Variants in GRIP1 observed in about 807,000 individuals in gnomAD.
The protein encoded by GRIP1 is glutamate receptor-interacting protein 1.
A neutral mutation model predicts 129.9 loss-of-function variants in GRIP1; 45 were observed. The ratio of observed to expected loss-of-function variants is 0.35; its 90% CI spans 0.27 to 0.44. The LOEUF (loss-of-function observed/expected upper bound fraction) is 0.44. Ranked by LOEUF, GRIP1 falls within the 20% of genes least tolerant of loss-of-function variation. The pLI is 1.00. For missense variants in GRIP1, 1,196 were observed against 1,396.8 expected, an observed-to-expected ratio of 0.86 and a Z score of 2.29; for synonymous variants, 530 against 520.8, an observed-to-expected ratio of 1.02 and a Z score of -0.24.
rs567896292 is a variant in GRIP1, at chr12:66,347,610, C to CTTGT, written c.*1405_*1408dup. The stretch of plus-strand genomic sequence containing the variant: ...TACAAAAATACTTTACAGTTTAATA[C>CTTGT]TTGTTTGTTACAAATAAAAATACAT... On this transcript the variant is annotated 3_prime_UTR_variant, in exon 25 of 25. Transcript: ENST00000359742. The CTTGT allele has an allele frequency of 3.9e-5, 6 of 152,106 alleles. No homozygotes were observed. The highest frequency in any genetic ancestry group is 7.4e-5 in the Non-Finnish European group (5 of 68,010). 9.4% of individuals were successfully genotyped at this position (152,106 alleles called of 1,614,324 possible).
intron 1 of GRIP1, among the ~76,000 whole-genome samples, chr12:66,850,254 CCCCTGGG>C (rs1282693093): frequency 6.6e-6 from 1 of 152,128 alleles, no homozygotes; most frequent in Non-Finnish European, 1.5e-5. Context: ...GCTACCTACA[CCCCTGGG>C]CAATCATGAA....
intron 16 of GRIP1, among the ~76,000 whole-genome samples, chr12:66,401,073 CA>C (rs2056969962): frequency 1.3e-5 from 2 of 152,244 alleles, no homozygotes; most frequent in African/African-American, 4.8e-5. Context: ...TGGAAGACGA[CA>C]AATGCAGAAG....
At chr12:66,538,990 A>G (rs1296596902) in intron 4 of GRIP1, 88 bp downstream of exon 4, 1 of 1,090,712 alleles carries the variant, frequency 9.2e-7, no homozygotes, top group East Asian at 2.4e-5. Flanking sequence ...CCTGATATAT[A>G]TAGGGTTTGG....
intron 1 of GRIP1, among the ~76,000 whole-genome samples, chr12:66,660,763 T>C (rs943128090): frequency 2.6e-5 from 4 of 152,146 alleles, no homozygotes; most frequent in African/African-American, 9.6e-5. Flanking sequence ...ATATTTATAT[T>C]ATTGATTCCC....
chr12:66,515,518 C>T, intron 7 of GRIP1, 101 bp downstream of exon 7: 2 of 1,052,276 alleles, frequency 1.9e-6, no homozygotes, highest in South Asian at 1.3e-5. Flanking sequence ...CTGTCTGCTC[C>T]AGGAGGGCAT....
rs375056647 is a variant in GRIP1, at chr12:66,558,297, C to T, written c.137-16347G>A. ...TCATGGAGGAAGGCGAAAGGCATCT[C>T]TTACATGGTGGCAGGCAAGGGCGAA... is the stretch of plus-strand genomic sequence containing the variant. On this transcript the variant is annotated intron_variant, in intron 2 of 24. Transcript: ENST00000359742. Among the ~76,000 whole-genome samples the T allele has an allele frequency of 3.9e-4, 60 of 152,246 alleles. 1 individual carries two copies. The highest frequency in any genetic ancestry group is 1.3e-3 in the African/African-American group (56 of 41,566).
At chr12:67,043,614 C>T (rs1479963959) in intron 1 of GRIP1, among the ~76,000 whole-genome samples, 3 of 152,140 alleles carry the variant, frequency 2.0e-5, no homozygotes, top group Non-Finnish European at 4.4e-5. Context: ...CTACGCCCCC[C>T]ATTCTCACAG....
chr12:67,065,369 A>C (rs2043607514), intron 1 of GRIP1: 3 of 152,308 alleles, frequency 2.0e-5, no homozygotes, highest in African/African-American at 7.2e-5. Context: ...AGAAATCTAA[A>C]GAGAAGTTCT....
At chr12:66,804,020 A>T in intron 1 of GRIP1, 1 of 431,020 alleles carries the variant, frequency 2.3e-6, no homozygotes, top group South Asian at 1.7e-5. Flanking sequence ...CCAGCATGCG[A>T]GAAGGAACCG....
At chr12:66,924,136 T>C (rs2041257990) in intron 1 of GRIP1, among the ~76,000 whole-genome samples, 1 of 152,190 alleles carries the variant, frequency 6.6e-6, no homozygotes, top group Non-Finnish European at 1.5e-5. Context: ...TGAGCCACCA[T>C]GCCCAGCCAA....
At chr12:66,912,124 C>T (rs925006136) in intron 1 of GRIP1, among the ~76,000 whole-genome samples, 2 of 151,914 alleles carry the variant, frequency 1.3e-5, no homozygotes, top group Admixed American at 6.6e-5. Context: ...AATAATATTC[C>T]AAAATGTTGG....
At position 66,474,657 on chromosome 12, in the gene GRIP1, G is replaced by C. The variant is rs1449534233; in HGVS notation, c.725-9235C>G. Among the ~76,000 whole-genome samples the C allele has an allele frequency of 2.0e-5, 3 of 152,062 alleles. No individual in the cohort carries two copies. The South Asian group carries it at 6.2e-4, about 32-fold the overall frequency. ...GGCAGAAGCTCTACAAGCCAGAAGA[G>C]AGTGGGGGCCAATATTCAACATTCT... On this transcript the variant is annotated intron_variant, in intron 7 of 24. Transcript: ENST00000359742.
intron 1 of GRIP1, among the ~76,000 whole-genome samples, chr12:66,603,660 C>A (rs73325134): frequency 0.014 from 2,134 of 152,304 alleles, 56 homozygotes; most frequent in African/African-American, 0.049. Context: ...AAGCAGCTGG[C>A]AGAATGCCAG....
intron 1 of GRIP1, among the ~76,000 whole-genome samples, chr12:66,862,400 C>T (rs1333260020): frequency 1.3e-5 from 2 of 152,118 alleles, no homozygotes; most frequent in Non-Finnish European, 2.9e-5. Context: ...CCATGGAATA[C>T]TTCTTGGAGG....
intron 1 of GRIP1, among the ~76,000 whole-genome samples, chr12:66,817,772 A>G (rs2039249916): frequency 6.6e-6 from 1 of 152,216 alleles, no homozygotes; most frequent in Admixed American, 6.5e-5. Flanking sequence ...TCACATGTTA[A>G]TATAAGTCAA....
intron 1 of GRIP1, among the ~76,000 whole-genome samples, chr12:66,906,076 T>C (rs751855802): frequency 5.3e-5 from 8 of 152,042 alleles, no homozygotes; most frequent in Admixed American, 1.3e-4. Context: ...CACGCAAATA[T>C]TAATAAAAAT....
chr12:66,917,976 GGAGAGA>G (rs374500998), intron 1 of GRIP1, among the ~76,000 whole-genome samples: 6 of 138,154 alleles, frequency 4.3e-5, no homozygotes, highest in Non-Finnish European at 9.5e-5. Flanking sequence ...ACACACACAC[GGAGAGA>G]GAGAGAGAGA....
intron 1 of GRIP1, among the ~76,000 whole-genome samples, chr12:67,046,653 T>C (rs1016095662): frequency 1.1e-4 from 16 of 152,180 alleles, no homozygotes; most frequent in African/African-American, 3.6e-4. Context: ...TTCAAACCTA[T>C]TTTCAAGCAC....
At chr12:66,636,200 A>C (rs1420283439) in intron 1 of GRIP1, among the ~76,000 whole-genome samples, 1 of 152,194 alleles carries the variant, frequency 6.6e-6, no homozygotes, top group Non-Finnish European at 1.5e-5. Context: ...AGGCATCCAG[A>C]GTAGTCAAAT....
Sources: gnomAD v4.1 joint callset for allele counts (sites outside exome capture counted in the v4.1 genomes callset) on GRCh38, gnomAD v4.1.1 for gene constraint, MANE v1.5 for transcripts, NCBI Gene and HGNC (gene_info 2026-07-23, HGNC 2026-07-21) for gene names.